TTC12: variants seen among roughly 807,000 people sequenced by gnomAD.
TTC12 encodes tetratricopeptide repeat domain 12.
In TTC12, 70 loss-of-function variants were observed where a neutral mutation model predicts 90.1. The observed-to-expected ratio is 0.78, with a 90% confidence interval of 0.64 to 0.95. TTC12 has a LOEUF of 0.95. Ranked by LOEUF, TTC12 falls within the 40% of genes least tolerant of loss-of-function variation. TTC12 has a pLI of 0.00. For synonymous variants in TTC12, 296 were observed against 311.5 expected (o/e 0.95, Z 0.53); for missense variants, 819 against 846.1 (o/e 0.97, Z 0.40).
intron 21 of TTC12, 152 bp downstream of exon 21, chr11:113,365,212 T>C: frequency 1.5e-6 from 1 of 688,314 alleles, no homozygotes; most frequent in Non-Finnish European, 2.4e-6. Flanking sequence ...AGTAGCTGCT[T>C]CTCTGAAGAA....
intron 6 of TTC12, among the ~76,000 whole-genome samples, chr11:113,327,344 A>G (rs1014846756): frequency 1.3e-5 from 2 of 152,222 alleles, no homozygotes; most frequent in Admixed American, 6.5e-5. Context: ...CCCTGGTGTT[A>G]CAAACCGTTT....
chr11:113,370,753 G>A (rs1950359494), downstream of TTC12, among the ~76,000 whole-genome samples: 1 of 152,212 alleles, frequency 6.6e-6, no homozygotes, highest in Non-Finnish European at 1.5e-5. Context: ...GATCTCCCCA[G>A]TTCTGGAGCA....
downstream of TTC12, among the ~76,000 whole-genome samples, chr11:113,366,996 C>G (rs941539059): frequency 3.3e-5 from 5 of 152,216 alleles, no homozygotes; most frequent in African/African-American, 1.2e-4. Context: ...TCTCTTTCTA[C>G]AGTGAACCCT....
intron 4 of TTC12, 77 bp from the exon 5 acceptor site, chr11:113,324,528 A>G: frequency 8.0e-7 from 1 of 1,246,922 alleles, no homozygotes; most frequent in Non-Finnish European, 1.1e-6. Flanking sequence ...CTAAAGTAAC[A>G]CTTCGAATTT....
intron 21 of TTC12, among the ~76,000 whole-genome samples, chr11:113,372,464 G>A (rs1950410911): frequency 6.6e-6 from 1 of 152,200 alleles, no homozygotes; most frequent in Admixed American, 6.5e-5. Flanking sequence ...TTTGCTTAGT[G>A]TGTGTGCATA....
Position 113,350,028 on chromosome 11 carries a change from T to C in TTC12, c.1155-45T>C. On this transcript the variant is annotated intron_variant, in intron 13 of 21. Transcript: ENST00000529221. Reference sequence around the variant, plus strand: ...CAAGGTTACCCTGTTGGGATGTTGTTAGTTGGAGGACAGCTACCTCTGAGG... The same window carrying C: ...CAAGGTTACCCTGTTGGGATGTTGTCAGTTGGAGGACAGCTACCTCTGAGG... The C allele has an allele frequency of 2.0e-6, 3 of 1,464,338 alleles. 1 individual carries two copies. Among genetic ancestry groups the C allele is most frequent in the South Asian group, 2.3e-5 (2 of 87,718 alleles). 90.7% of individuals were successfully genotyped at this position (1,464,338 alleles called of 1,614,324 possible). A position where few individuals can be genotyped will look rare whatever the true frequency, so the allele number is the denominator to read the frequency against.
intron 18 of TTC12, among the ~76,000 whole-genome samples, chr11:113,361,747 A>C (rs1388952604): frequency 2.0e-5 from 3 of 152,202 alleles, no homozygotes; most frequent in Non-Finnish European, 4.4e-5. Flanking sequence ...CTTTTTTCAT[A>C]CATGTGATTG....
chr11:113,366,270 C>T lies in TTC12; in HGVS notation c.2088C>T (p.Asn696=). 6.2e-7 allele frequency: 1 copy of T among 1,613,806 alleles called. No individual in the cohort carries two copies. The highest frequency in any genetic ancestry group is 8.5e-7 in the Non-Finnish European group (1 of 1,180,030). ...AGCTTCATGGCCTAGAAATTCTCAA[C>T]TCTACGATGAAATACATCAGTGATT... ...LRKLHGLEIL[N]STMKYISDS is the part of the protein sequence containing the mutation. The change falls in exon 22 of 22, where the codon AAC becomes AAT. Residue 696 remains asparagine (N), a synonymous_variant. Coordinates refer to ENST00000529221, the MANE Select transcript of TTC12 (RefSeq NM_017868.4).
exon 22 of TTC12, chr11:113,373,274 C>T (rs769653664): frequency 3.5e-5 from 34 of 959,572 alleles, no homozygotes; most frequent in Non-Finnish European, 4.0e-5. Context: ...AAATTCATAA[C>T]ATAATGACTT....
At position 113,324,034 on chromosome 11, in the gene TTC12, T is replaced by G. The variant is rs1947526683; in HGVS notation, c.244+19T>G. ...AACTCAGGTAAGGACAGCATCTCTC[T>G]TCCCAATTTTCATTCTTTATATAGG... On this transcript the variant is annotated intron_variant, in intron 4 of 21. Transcript: ENST00000529221. 1 of 1,601,612 alleles carries G rather than the reference T, an allele frequency of 6.2e-7. No homozygotes were observed. The highest frequency in any genetic ancestry group is 1.3e-5 in the African/African-American group (1 of 74,656).
chr11:113,330,010 G>T (rs1947942604), intron 7 of TTC12, 31 bp downstream of exon 7: 4 of 1,564,384 alleles, frequency 2.6e-6, no homozygotes, highest in Non-Finnish European at 3.5e-6. Flanking sequence ...CCACATGATA[G>T]TGTTGGGCTG....
intron 13 of TTC12, among the ~76,000 whole-genome samples, chr11:113,347,465 T>C (rs1393505512): frequency 6.6e-6 from 1 of 152,108 alleles, no homozygotes; most frequent in African/African-American, 2.4e-5. Context: ...GTGGAGGAAG[T>C]CTTTCCCCAA....
At chr11:113,325,129 G>A (rs1368958255) in intron 5 of TTC12, among the ~76,000 whole-genome samples, 1 of 152,122 alleles carries the variant, frequency 6.6e-6, no homozygotes, top group African/African-American at 2.4e-5. Context: ...ATAGAAGAAT[G>A]TTTTCACTTT....
Position 113,359,937 on chromosome 11 carries a change from T to C in TTC12, c.1546-3T>C. The stretch of plus-strand genomic sequence containing the variant: ...TCCTGCTGGCCTCTCCCCATTGTTG[T>C]AGGTTTGGGCTGTGGAGGTGAGCAG... On this transcript the variant is annotated splice_region_variant and splice_polypyrimidine_tract_variant and intron_variant, in intron 17 of 21. Transcript: ENST00000529221. 1 of 1,592,430 alleles carries C rather than the reference T, an allele frequency of 6.3e-7. No individual in the cohort carries two copies. Among genetic ancestry groups the C allele is most frequent in the Non-Finnish European group, 8.6e-7 (1 of 1,169,346 alleles).
intron 13 of TTC12, among the ~76,000 whole-genome samples, chr11:113,347,170 G>A (rs560432117): frequency 1.3e-4 from 20 of 152,252 alleles, no homozygotes; most frequent in Non-Finnish European, 2.1e-4. Context: ...GAAGAAAATA[G>A]GTTTAAATTG....
At position 113,344,830 on chromosome 11, in the gene TTC12, C is replaced by T. The variant is rs192095249; in HGVS notation, c.1154+390C>T. On this transcript the variant is annotated intron_variant, in intron 13 of 21. Transcript: ENST00000529221. ...TTTGAGGTAATCCTGTCTTATTCTA[C>T]GTGTCCTTAAACCCTTTGTGGAACA... is the stretch of plus-strand genomic sequence containing the variant. 9.2e-5 allele frequency among the ~76,000 whole-genome samples: 14 copies of T among 152,260 alleles called. No homozygotes were observed. The East Asian group carries it at 1.7e-3, about 19-fold the overall frequency.
chr11:113,371,026 A>G (rs1950370754), downstream of TTC12, among the ~76,000 whole-genome samples: 1 of 152,146 alleles, frequency 6.6e-6, no homozygotes, highest in South Asian at 2.1e-4. Context: ...GCACATTAAA[A>G]TAGGTGAGTT....
At chr11:113,320,714 G>T (rs1390785848) in intron 2 of TTC12, among the ~76,000 whole-genome samples, 1 of 152,244 alleles carries the variant, frequency 6.6e-6, no homozygotes, top group Non-Finnish European at 1.5e-5. Context: ...GTCGTCCGCA[G>T]ATGGCAGGGC....
At chr11:113,314,726 T>TGGCTGCGGTCTGGGAC (rs1267236703) in intron 1 of TTC12, 108 bp downstream of exon 1, 1 of 152,964 alleles carries the variant, frequency 6.5e-6, no homozygotes, top group Non-Finnish European at 1.5e-5. Context: ...GGGAAGGTCT[T>TGGCTGCGGTCTGGGAC]GGCTGCGGTC....
Sources: allele counts gnomAD v4.1 joint callset (sites outside exome capture counted in the v4.1 genomes callset), GRCh38; gene constraint gnomAD v4.1.1; transcripts MANE v1.5; gene names NCBI Gene and HGNC (gene_info 2026-07-23, HGNC 2026-07-21).